Variants in CC2D1B observed in about 807,000 individuals in gnomAD.
CC2D1B encodes the protein coiled-coil and C2 domain-containing protein 1B.
Under a neutral mutation model 110.8 loss-of-function variants are expected in CC2D1B, and 92 were observed. The ratio of observed to expected loss-of-function variants is 0.83; its 90% CI spans 0.70 to 0.99. The LOEUF (loss-of-function observed/expected upper bound fraction) is 0.99, where lower values mean the gene tolerates loss of function less well. Ranked by LOEUF, CC2D1B falls within the 50% of genes least tolerant of loss-of-function variation. CC2D1B has a pLI of 0.00. For synonymous variants in CC2D1B, 406 were observed against 429.2 expected, an observed-to-expected ratio of 0.95 and a Z score of 0.67; for missense variants, 1,136 against 1,089.0, an observed-to-expected ratio of 1.04 and a Z score of -0.61.
At chr1:52,356,573 C>T in intron 16 of CC2D1B, 131 bp from the exon 17 acceptor site, 2 of 907,530 alleles carry the variant, frequency 2.2e-6, no homozygotes, top group Non-Finnish European at 3.5e-6. Context: ...AACACAGCCC[C>T]AAGGGCACTA....
rs750933722 is a variant in CC2D1B, at chr1:52,362,735, A to G, written c.81T>C (p.Phe27=). Residue 27 remains phenylalanine, a synonymous_variant, in exon 3 of 25, where the codon TTT becomes TTC. Coordinates refer to ENST00000284376, the MANE Select transcript of CC2D1B (RefSeq NM_001330585.2). ...GVAAAKQMGL[F]MEFGPEDMLL... ...GCATGTCCTCAGGGCCAAACTCCAT[A>G]AAGAGCCCCATCTGAGAGCAGAGCA... 6.2e-7 allele frequency: 1 copy of G among 1,613,966 alleles called. No individual in the cohort carries two copies. Among genetic ancestry groups the G allele is most frequent in the South Asian group, 1.1e-5 (1 of 91,072 alleles).
intron 6 of CC2D1B, 43 bp downstream of exon 6, chr1:52,360,381 G>A: frequency 6.2e-7 from 1 of 1,604,754 alleles, no homozygotes; most frequent in Non-Finnish European, 8.5e-7. Flanking sequence ...CGCCTTTCAT[G>A]CAGCCCCCTC....
At chr1:52,361,247 G>C in intron 4 of CC2D1B, 115 bp from the exon 5 acceptor site, 1 of 1,321,364 alleles carries the variant, frequency 7.6e-7, no homozygotes, top group Non-Finnish European at 1.1e-6. Context: ...CAGTCACTGT[G>C]CCTGAGTCCC....
In CC2D1B at chr1:52,359,050, G is replaced by A. The variant is rs140303414; in HGVS notation, c.1234C>T (p.Arg412Trp). The change falls in exon 11 of 25, where the codon CGG becomes TGG. Residue 412 changes from arginine to tryptophan, a missense_variant. By Grantham distance (101) the Arg-to-Trp change is moderately radical. Coordinates refer to ENST00000284376, the MANE Select transcript of CC2D1B (RefSeq NM_001330585.2). ...ARSGGDERKA[R>W]MHERIAKQYQ... ...ACCTTGGCAATGCGCTCATGCATCC[G>A]AGCCTTGCGCTCGTCCCCACCACTC... The A allele has an allele frequency of 3.1e-6, 5 of 1,607,460 alleles. No homozygotes were observed. The highest frequency in any genetic ancestry group is 2.7e-5 in the African/African-American group (2 of 74,940).
chr1:52,363,166 G>A (rs953130931), intron 2 of CC2D1B, among the ~76,000 whole-genome samples: 19 of 151,628 alleles, frequency 1.3e-4, no homozygotes, highest in East Asian at 5.8e-4. Context: ...AGGCCGAGGC[G>A]GGTGGATCAC....
chr1:52,354,473 A>T, intron 23 of CC2D1B, 135 bp downstream of exon 23: 1 of 819,770 alleles, frequency 1.2e-6, no homozygotes. Flanking sequence ...TGAGGATTCC[A>T]CCTACTCTAA....
At chr1:52,355,114 C>T in intron 21 of CC2D1B, 175 bp from the exon 22 acceptor site, 1 of 640,640 alleles carries the variant, frequency 1.6e-6, no homozygotes, top group South Asian at 1.9e-5. Context: ...AGTTTTTGTA[C>T]TCTTTTTAGT....
intron 23 of CC2D1B, 69 bp from the exon 24 acceptor site, chr1:52,353,716 T>C: frequency 8.4e-7 from 1 of 1,184,380 alleles, no homozygotes. Flanking sequence ...GGTCCCTACA[T>C]TCCCAGGAAA....
intron 2 of CC2D1B, among the ~76,000 whole-genome samples, chr1:52,363,117 A>G (rs1184273829): frequency 6.6e-6 from 1 of 152,058 alleles, no homozygotes; most frequent in Non-Finnish European, 1.5e-5. Context: ...TTTTTTGGCC[A>G]GGCGCGGTGG....
chr1:52,363,218 C>A (rs947377418), intron 2 of CC2D1B, among the ~76,000 whole-genome samples: 1 of 152,018 alleles, frequency 6.6e-6, no homozygotes, highest in Non-Finnish European at 1.5e-5. Flanking sequence ...CACGGTGAAA[C>A]CCCGTCTCTA....
chr1:52,358,807 C>T (rs944796813), intron 11 of CC2D1B, 49 bp from the exon 12 acceptor site: 1 of 1,551,570 alleles, frequency 6.4e-7, no homozygotes, highest in Non-Finnish European at 8.7e-7. Flanking sequence ...AGCCCACAGG[C>T]CCCCTGCCCA....
rs372793189 is a variant in CC2D1B, at chr1:52,354,717, G to A, written c.2340-19C>T. Reference sequence around the variant, plus strand: ...GAAGGACCTGGGGAGTCAAGAGGCAGCAGAGGATTGGACTGGGCAGGGAAG... The same window carrying A: ...GAAGGACCTGGGGAGTCAAGAGGCAACAGAGGATTGGACTGGGCAGGGAAG... On this transcript the variant is annotated intron_variant, in intron 22 of 24. Coordinates refer to ENST00000284376, the MANE Select transcript of CC2D1B (RefSeq NM_001330585.2). 6.8e-6 allele frequency: 11 copies of A among 1,613,168 alleles called. No individual in the cohort carries two copies. The highest frequency in any genetic ancestry group is 8.5e-6 in the Non-Finnish European group (10 of 1,179,088).
intron 23 of CC2D1B, chr1:52,353,930 T>C (rs547072569): frequency 1.7e-4 from 57 of 328,864 alleles, no homozygotes; most frequent in Middle Eastern, 9.1e-4. Context: ...GAAGAAACAT[T>C]GGCTTGAAGA....
intron 4 of CC2D1B, 183 bp downstream of exon 4, chr1:52,361,330 C>T (rs933818070): frequency 5.7e-6 from 7 of 1,234,010 alleles, no homozygotes; most frequent in Non-Finnish European, 6.8e-6. Flanking sequence ...TCTGAGAATC[C>T]CCAACTGCAG....
chr1:52,358,951 C>CGG (rs1467921212), intron 11 of CC2D1B, 76 bp downstream of exon 11: 3 of 1,573,788 alleles, frequency 1.9e-6, no homozygotes, highest in Non-Finnish European at 2.6e-6. Context: ...AAGGACTAGC[C>CGG]GGAGGACCAG....
intron 11 of CC2D1B, 25 bp from the exon 12 acceptor site, chr1:52,358,783 C>G (rs200829782): frequency 6.3e-7 from 1 of 1,593,550 alleles, no homozygotes; most frequent in East Asian, 2.2e-5. Context: ...AGGGAGGGGC[C>G]TGTGGTCGGC....
At chr1:52,362,475 G>GC (rs1482805679) in intron 3 of CC2D1B, 127 bp downstream of exon 3, 1 of 1,142,996 alleles carries the variant, frequency 8.7e-7, no homozygotes, top group African/African-American at 1.5e-5. Context: ...TGGTGGGAGT[G>GC]CGGCAGATGG....
At chr1:52,362,805 AG>A in intron 2 of CC2D1B, 59 bp from the exon 3 acceptor site, 1 of 1,579,512 alleles carries the variant, frequency 6.3e-7, no homozygotes, top group Non-Finnish European at 8.6e-7. Context: ...GTCCAGCTCC[AG>A]AGCCAGACTT....
chr1:52,361,691 A>T (rs768795348), intron 3 of CC2D1B, 75 bp from the exon 4 acceptor site: 188 of 1,567,560 alleles, frequency 1.2e-4, no homozygotes, highest in Admixed American at 6.9e-4. Flanking sequence ...GGCTTGGTAG[A>T]TCCACCCAGG....
Sources: gnomAD v4.1 joint callset for allele counts (sites outside exome capture counted in the v4.1 genomes callset) on GRCh38, gnomAD v4.1.1 for gene constraint, MANE v1.5 for transcripts, NCBI Gene and HGNC (gene_info 2026-07-23, HGNC 2026-07-21) for gene names.